Variants in MEAK7 observed in about 807,000 individuals in gnomAD.
MEAK7 encodes MTOR associated protein MEAK7, also known as MTOR-associated protein MEAK7.
Under a neutral mutation model 40.5 loss-of-function variants are expected in MEAK7, and 68 were observed. The ratio of observed to expected loss-of-function variants is 1.68; its 90% CI spans 1.38 to 2.06. The LOEUF is 2.06. MEAK7 is among the 30% of genes most tolerant of loss of function. The probability of loss-of-function intolerance (pLI) is 0.00; values close to 1 mark genes in which losing one functional copy is unlikely to be tolerated. For synonymous variants in MEAK7, 338 were observed against 231.9 expected (o/e 1.46, Z -4.16); for missense variants, 918 against 580.5 (o/e 1.58, Z -5.98).
At chr16:84,497,693 T>C in intron 2 of MEAK7, 1 of 1,466,384 alleles carries the variant, frequency 6.8e-7, no homozygotes, top group Non-Finnish European at 9.1e-7. Context: ...CGGGGAGGGA[T>C]GCGTTTAGAC....
Position 84,480,511 on chromosome 16 carries a change from G to A in MEAK7, c.1257+18C>T, listed in dbSNP as rs1002964167. 4.4e-6 allele frequency: 7 copies of A among 1,584,988 alleles called. No individual in the cohort carries two copies. The highest frequency in any genetic ancestry group is 6.0e-6 in the Non-Finnish European group (7 of 1,165,832). Reference sequence around the variant, plus strand: ...GCTCAAGGGGCCATCCTGGGATGCAGAGGACAGCTCCACTCACCAACTGCT... The same window carrying A: ...GCTCAAGGGGCCATCCTGGGATGCAAAGGACAGCTCCACTCACCAACTGCT... On this transcript the variant is annotated intron_variant, in intron 7 of 7. Coordinates refer to ENST00000343629, the MANE Select transcript of MEAK7 (RefSeq NM_020947.4).
intron 1 of MEAK7, chr16:84,504,181 A>G: frequency 1.0e-6 from 1 of 984,206 alleles, no homozygotes; most frequent in Non-Finnish European, 1.2e-6. Context: ...GTCAGAATAC[A>G]AGAAGGAAAA....
intron 5 of MEAK7, chr16:84,486,269 G>A: frequency 9.8e-6 from 2 of 204,908 alleles, no homozygotes; most frequent in South Asian, 1.4e-4. Flanking sequence ...ACGCGTGGCG[G>A]TGGGGGCAGG....
chr16:84,502,144 CA>C (rs201166503), intron 1 of MEAK7, among the ~76,000 whole-genome samples: 104 of 142,490 alleles, frequency 7.3e-4, no homozygotes, highest in Non-Finnish European at 6.3e-4. Flanking sequence ...AACTCGGTCT[CA>C]AAAAAAAAAA....
At chr16:84,481,671 C>T (rs758893344) in intron 6 of MEAK7, among the ~76,000 whole-genome samples, 1 of 152,198 alleles carries the variant, frequency 6.6e-6, no homozygotes, top group Non-Finnish European at 1.5e-5. Context: ...CAGTGGCTCA[C>T]GCCTGTAATC....
rs1030351451 is a variant in MEAK7 at position 84,479,072 on chromosome 16, C to G, written c.*841G>C. ...TTCCTCACACACATTCATTTAAAAA[C>G]AGCTGAGAGAGCTGGGTGTGGAACC... is the stretch of plus-strand genomic sequence containing the variant. On this transcript the variant is annotated 3_prime_UTR_variant, in exon 8 of 8. Coordinates refer to ENST00000343629, the MANE Select transcript of MEAK7 (RefSeq NM_020947.4). 1 of 152,248 alleles carries G rather than the reference C, an allele frequency of 6.6e-6. No individual in the cohort carries two copies. The highest frequency in any genetic ancestry group is 1.5e-5 in the Non-Finnish European group (1 of 68,052). The allele number at this position is 152,248 out of a possible 1,614,324, so 9.4% of individuals were successfully genotyped here.
At chr16:84,500,675 G>A (rs565787458) in intron 1 of MEAK7, among the ~76,000 whole-genome samples, 32 of 152,226 alleles carry the variant, frequency 2.1e-4, no homozygotes, top group East Asian at 9.7e-4. Flanking sequence ...CTCACGTTTC[G>A]CAGCAGCAGA....
At chr16:84,483,018 C>T (rs1019470233) in intron 5 of MEAK7, among the ~76,000 whole-genome samples, 1 of 152,198 alleles carries the variant, frequency 6.6e-6, no homozygotes, top group Non-Finnish European at 1.5e-5. Context: ...CACATCCGAG[C>T]CAGAAAGAGC....
chr16:84,487,209 A>C (rs1199624995), intron 4 of MEAK7, 150 bp from the exon 5 acceptor site: 1 of 650,040 alleles, frequency 1.5e-6, no homozygotes, highest in East Asian at 2.8e-5. Context: ...AGGTGCCGTC[A>C]GTGTAAAAGG....
rs760899528 is a variant in MEAK7 at position 84,495,783 on chromosome 16, A to G, written c.284T>C (p.Met95Thr). ...NVSQEQFTAS[M>T]SHLLKGNSEE... ...GGAGTTTCCTTTCAACAGGTGGGAC[A>G]TGGATGCTGTGAACTGCTCCTGGGA... Residue 95 changes from methionine to threonine, a missense_variant, in exon 3 of 8, where the codon ATG (methionine) becomes ACG (threonine). Met to Thr is a moderately conservative substitution (Grantham distance 81). Transcript: ENST00000343629. The G allele has an allele frequency of 1.1e-5, 17 of 1,613,966 alleles. No individual in the cohort carries two copies. In the African/African-American group the frequency reaches 1.7e-4, roughly 16 times the overall value.
At chr16:84,502,635 G>C (rs1267269923) in intron 1 of MEAK7, 2 of 151,920 alleles carry the variant, frequency 1.3e-5, no homozygotes, top group African/African-American at 2.4e-5. Context: ...TATAATCCCA[G>C]AACTTTGGGA....
chr16:84,498,645 A>C (rs1160489418), intron 1 of MEAK7, among the ~76,000 whole-genome samples: 1 of 152,126 alleles, frequency 6.6e-6, no homozygotes, highest in Non-Finnish European at 1.5e-5. Context: ...CGTGACGCCC[A>C]TGACCTACTG....
intron 1 of MEAK7, among the ~76,000 whole-genome samples, chr16:84,499,029 G>A (rs1291828196): frequency 1.3e-5 from 2 of 152,278 alleles, no homozygotes; most frequent in East Asian, 1.9e-4. Flanking sequence ...AAAGCAAAGG[G>A]CCAAGACCTG....
chr16:84,488,646 G>A (rs749321822), intron 4 of MEAK7, among the ~76,000 whole-genome samples: 23 of 152,194 alleles, frequency 1.5e-4, no homozygotes, highest in Non-Finnish European at 2.8e-4. Context: ...GCAATTTGAG[G>A]AATTCACAGG....
intron 2 of MEAK7, among the ~76,000 whole-genome samples, chr16:84,496,912 A>G (rs1469883325): frequency 2.6e-5 from 4 of 152,192 alleles, no homozygotes; most frequent in Non-Finnish European, 5.9e-5. Flanking sequence ...AACACATGTA[A>G]CATATGTCTG....
chr16:84,482,570 A>C (rs776548000), intron 6 of MEAK7, 22 bp downstream of exon 6: 8 of 1,613,820 alleles, frequency 5.0e-6, no homozygotes, highest in Non-Finnish European at 6.8e-6. Context: ...AGGCAAGACC[A>C]CCACGCTCTG....
At chr16:84,504,108 G>C (rs539403434) in intron 1 of MEAK7, 9 of 985,386 alleles carry the variant, frequency 9.1e-6, no homozygotes, top group Non-Finnish European at 1.1e-5. Flanking sequence ...TCCTGTGCTG[G>C]CCACCTACAT....
chr16:84,486,391 G>A (rs1378823969), intron 5 of MEAK7: 17 of 1,273,134 alleles, frequency 1.3e-5, no homozygotes, highest in African/African-American at 9.0e-5. Flanking sequence ...ACCCGGCACC[G>A]TGTAATAACT....
At chr16:84,493,585 A>G (rs2150640382) in intron 3 of MEAK7, among the ~76,000 whole-genome samples, 1 of 151,978 alleles carries the variant, frequency 6.6e-6, no homozygotes, top group East Asian at 1.9e-4. Flanking sequence ...AGCTTTTAAC[A>G]ATTAAAATAT....
Sources: gnomAD v4.1 joint callset for allele counts (sites outside exome capture counted in the v4.1 genomes callset) on GRCh38, gnomAD v4.1.1 for gene constraint, MANE v1.5 for transcripts, NCBI Gene and HGNC (gene_info 2026-07-23, HGNC 2026-07-21) for gene names.